The following PTPRZ1 variants were observed in gnomAD, a reference collection of about 807,000 sequenced individuals.
PTPRZ1 encodes receptor-type tyrosine-protein phosphatase zeta.
Under a neutral mutation model 214.1 loss-of-function variants are expected in PTPRZ1, and 82 were observed. That is an observed-to-expected ratio of 0.38 (90% confidence interval 0.32 to 0.46). The LOEUF (loss-of-function observed/expected upper bound fraction) is 0.46. PTPRZ1 is among the 20% of genes least tolerant of loss of function. The pLI is 1.00. For missense variants in PTPRZ1, 2,603 were observed against 2,748.7 expected (o/e 0.95, Z 1.19); for synonymous variants, 945 against 987.9 (o/e 0.96, Z 0.81).
rs1025207718 is a variant in PTPRZ1 at position 122,010,841 on chromosome 7, A to C, written c.1795A>C (p.Ile599Leu). ...SSPATSAIPF[I>L]SENISQGYIF... ...TCCCGCAACTTCTGCTATCCCATTCATCTCTGAGAACATATCCCAAGGGTA... is the reference window on the plus strand; with the variant it reads ...TCCCGCAACTTCTGCTATCCCATTCCTCTCTGAGAACATATCCCAAGGGTA... Residue 599 changes from isoleucine (I) to leucine (L), a missense_variant, in exon 12 of 30, where the codon ATC (isoleucine) becomes CTC (leucine). Physicochemically the swap from Ile to Leu is conservative, Grantham distance 5. Around this residue, in one of 6 missense-constraint regions of PTPRZ1, gnomAD observed 1,913 missense variants for 1,914.3 expected, o/e 1.00. Transcript: ENST00000393386. 2 of 1,614,084 alleles carry C rather than the reference A, an allele frequency of 1.2e-6. No homozygotes were observed. Among genetic ancestry groups the C allele is most frequent in the East Asian group, 4.5e-5 (2 of 44,888 alleles).
intron 17 of PTPRZ1, 64 bp from the exon 18 acceptor site, chr7:122,036,536 T>G: frequency 9.4e-7 from 1 of 1,058,898 alleles, no homozygotes; most frequent in Non-Finnish European, 1.4e-6. Context: ...TATGCAAATA[T>G]GAATTATCTT....
At chr7:121,986,748 C>T (rs1797772845) in intron 8 of PTPRZ1, among the ~76,000 whole-genome samples, 1 of 152,098 alleles carries the variant, frequency 6.6e-6, no homozygotes, top group Non-Finnish European at 1.5e-5. Context: ...ACTAGAAAAA[C>T]AGCAACTCAA....
rs538641477 is a variant in PTPRZ1, at chr7:121,900,702, T to A, written c.58+27145T>A. Among the ~76,000 whole-genome samples, 9 of 152,288 alleles carry A rather than the reference T, an allele frequency of 5.9e-5. No individual in the cohort carries two copies. The East Asian group carries it at 1.5e-3, about 26-fold the overall frequency. On this transcript the variant is annotated intron_variant, in intron 1 of 29. Coordinates refer to ENST00000393386, the MANE Select transcript of PTPRZ1 (RefSeq NM_002851.3). ...CCTGCCTGGCTCTAAATCTTTGCAG[T>A]AGGAGAATGACATAGGACCATAAGG...
At chr7:121,928,518 T>C (rs1795831644) in intron 2 of PTPRZ1, among the ~76,000 whole-genome samples, 2 of 151,908 alleles carry the variant, frequency 1.3e-5, no homozygotes, top group South Asian at 4.2e-4. Flanking sequence ...TTTTCAACGG[T>C]GAAATGGGGG....
intron 13 of PTPRZ1, among the ~76,000 whole-genome samples, chr7:122,027,918 C>A (rs764662023): frequency 1.3e-5 from 2 of 152,104 alleles, no homozygotes; most frequent in Non-Finnish European, 2.9e-5. Flanking sequence ...TCATTATTTT[C>A]TCATTTAAGT....
In PTPRZ1 at chr7:122,012,929, A is replaced by G. The variant is rs1240238525; in HGVS notation, c.3883A>G (p.Thr1295Ala). ...GTACAGTAATGATGAGTTGTTCCAA[A>G]CGGCCAATTTGGAGATTAACCAGGC... ...SLYSNDELFQ[T>A]ANLEINQAHP... is the part of the protein sequence containing the mutation. The change falls in exon 12 of 30, where the codon ACG becomes GCG. Residue 1295 changes from threonine (T) to alanine (A), a missense_variant. Around this residue, in one of 6 missense-constraint regions of PTPRZ1, gnomAD observed 1,913 missense variants for 1,914.3 expected, o/e 1.00. Transcript: ENST00000393386. The G allele has an allele frequency of 1.2e-6, 2 of 1,614,000 alleles. No individual in the cohort carries two copies. Among genetic ancestry groups the G allele is most frequent in the East Asian group, 2.2e-5 (1 of 44,874 alleles).
At chr7:121,997,829 G>T in intron 9 of PTPRZ1, 51 bp from the exon 10 acceptor site, 1 of 1,522,500 alleles carries the variant, frequency 6.6e-7, no homozygotes, top group South Asian at 1.2e-5. Flanking sequence ...CTAGTGTGTT[G>T]GTAGTCCTAT....
At chr7:121,933,428 A>C (rs1038674672) in intron 2 of PTPRZ1, among the ~76,000 whole-genome samples, 2 of 152,130 alleles carry the variant, frequency 1.3e-5, no homozygotes. Context: ...CTTGAAATTG[A>C]AAATTTTATA....
In PTPRZ1 at chr7:122,010,573, A is replaced by T. The variant is rs1333473686; in HGVS notation, c.1527A>T (p.Lys509Asn). The change falls in exon 12 of 30, where the codon AAA becomes AAT. Residue 509 changes from lysine (K) to asparagine (N), a missense_variant. Transcript: ENST00000393386. ...ATTCCACTTCCCAACCAGTCACTAA[A>T]TTAGCCACAGAAAAAGATATTTCCT... is the stretch of plus-strand genomic sequence containing the variant. The part of the protein sequence containing the change: ...SLNSTSQPVT[K>N]LATEKDISLT... 6.2e-7 allele frequency: 1 copy of T among 1,613,466 alleles called. No individual in the cohort carries two copies. Among genetic ancestry groups the T allele is most frequent in the Non-Finnish European group, 8.5e-7 (1 of 1,179,406 alleles).
Position 122,010,896 on chromosome 7 carries a change from T to G in PTPRZ1, c.1850T>G (p.Ile617Arg), listed in dbSNP as rs770702053. 1 of 1,614,022 alleles carries G rather than the reference T, an allele frequency of 6.2e-7. No homozygotes were observed. Reference sequence around the variant, plus strand: ...TTTTCCTCCGAAAACCCAGAGACAATAACATATGATGTCCTTATACCAGAA... The same window carrying G: ...TTTTCCTCCGAAAACCCAGAGACAAGAACATATGATGTCCTTATACCAGAA... The part of the protein sequence containing the change: ...YIFSSENPET[I>R]TYDVLIPESA... The change falls in exon 12 of 30, where the codon ATA becomes AGA. Residue 617 changes from isoleucine to arginine, a missense_variant. Ile to Arg is a moderately conservative substitution (Grantham distance 97, BLOSUM62 -3). This residue lies in a region of PTPRZ1 where 1,913 missense variants were observed against 1,914.3 expected (regional missense o/e 1.00). Transcript: ENST00000393386.
At chr7:121,954,079 T>A (rs1308500859) in intron 2 of PTPRZ1, among the ~76,000 whole-genome samples, 1 of 152,182 alleles carries the variant, frequency 6.6e-6, no homozygotes, top group East Asian at 1.9e-4. Flanking sequence ...TTTTAAATCT[T>A]TCTCAAATCT....
intron 21 of PTPRZ1, among the ~76,000 whole-genome samples, chr7:122,042,170 A>G (rs185172822): frequency 2.2e-3 from 333 of 152,290 alleles, no homozygotes; most frequent in African/African-American, 6.9e-3. Context: ...TAACGCAGAA[A>G]TCTTTACAAA....
chr7:122,020,737 T>A (rs1798989914), intron 13 of PTPRZ1, among the ~76,000 whole-genome samples: 1 of 152,122 alleles, frequency 6.6e-6, no homozygotes, highest in African/African-American at 2.4e-5. Context: ...TTACCCCACA[T>A]GGGTCAGGAG....
chr7:121,873,426 T>A lies in PTPRZ1; in HGVS notation c.-74T>A. On this transcript the variant is annotated 5_prime_UTR_variant, in exon 1 of 30. Transcript: ENST00000393386. ...AAAACAAACAAACAAAAAAAACATT[T>A]CCTTCGCTCCCCCTCCCTCTCCACT... 1 of 1,489,874 alleles carries A rather than the reference T, an allele frequency of 6.7e-7. No homozygotes were observed. The highest frequency in any genetic ancestry group is 1.2e-5 in the South Asian group (1 of 85,324). 92.3% of individuals were successfully genotyped at this position (1,489,874 alleles called of 1,614,324 possible).
Position 122,038,747 on chromosome 7 carries a change from T to A in PTPRZ1, c.5368-8T>A. On this transcript the variant is annotated splice_polypyrimidine_tract_variant and splice_region_variant and intron_variant, in intron 18 of 29. Transcript: ENST00000393386. Reference sequence around the variant, plus strand: ...TTAGTAGGAAACATTTGTCATTTAATTCTTCAGGGCTACAACAGACCAAAA... The same window carrying A: ...TTAGTAGGAAACATTTGTCATTTAAATCTTCAGGGCTACAACAGACCAAAA... 5 of 1,612,098 alleles carry A rather than the reference T, an allele frequency of 3.1e-6. No individual in the cohort carries two copies. The highest frequency in any genetic ancestry group is 4.2e-6 in the Non-Finnish European group (5 of 1,178,774).
At chr7:121,940,072 T>C (rs546995209) in intron 2 of PTPRZ1, among the ~76,000 whole-genome samples, 2 of 152,198 alleles carry the variant, frequency 1.3e-5, no homozygotes, top group South Asian at 2.1e-4. Flanking sequence ...GGACAGAAAA[T>C]TAGGAATGTG....
chr7:122,015,475 T>C (rs1798816282), intron 12 of PTPRZ1, among the ~76,000 whole-genome samples: 1 of 152,138 alleles, frequency 6.6e-6, no homozygotes, highest in South Asian at 2.1e-4. Flanking sequence ...CTATTTAACA[T>C]TGCATTTTAA....
chr7:122,038,307 C>T (rs553186199), intron 18 of PTPRZ1, among the ~76,000 whole-genome samples: 1 of 152,036 alleles, frequency 6.6e-6, no homozygotes, highest in Non-Finnish European at 1.5e-5. Flanking sequence ...CTTCTCAGCA[C>T]GTTGAAGTAG....
chr7:121,896,776 T>TA (rs554990834), intron 1 of PTPRZ1, among the ~76,000 whole-genome samples: 9,461 of 120,954 alleles, frequency 0.078, 643 homozygotes, highest in African/African-American at 0.2. Flanking sequence ...CTGCCTCAAA[T>TA]AAAAAAAAAA....
Sources: allele counts gnomAD v4.1 joint callset (sites outside exome capture counted in the v4.1 genomes callset), GRCh38; gene constraint gnomAD v4.1.1; regional missense constraint gnomAD v4.1.1; transcripts MANE v1.5; gene names NCBI Gene and HGNC (gene_info 2026-07-23, HGNC 2026-07-21).